Variants in MAML2 observed in about 807,000 individuals in gnomAD.
The protein encoded by MAML2 is mastermind-like protein 2.
MAML2 carries 22 observed loss-of-function variants against 96.1 expected under a neutral mutation model. The observed-to-expected ratio is 0.23, with a 90% CI of 0.16 to 0.33. The LOEUF (loss-of-function observed/expected upper bound fraction) is 0.33, where lower values mean the gene tolerates loss of function less well. MAML2 is among the 10% of genes least tolerant of loss of function. The probability of loss-of-function intolerance (pLI) is 1.00; values close to 1 mark genes in which losing one functional copy is unlikely to be tolerated. For missense variants in MAML2, 1,367 were observed against 1,392.4 expected, an observed-to-expected ratio of 0.98 and a Z score of 0.29; for synonymous variants, 561 against 521.3, an observed-to-expected ratio of 1.08 and a Z score of -1.04.
intron 1 of MAML2, among the ~76,000 whole-genome samples, chr11:96,144,294 T>C (rs1860780268): frequency 6.6e-6 from 1 of 152,226 alleles, no homozygotes; most frequent in South Asian, 2.1e-4. Context: ...GAAGAATTTT[T>C]ATAATGTAGT....
chr11:96,245,098 C>T (rs992755445), intron 1 of MAML2, among the ~76,000 whole-genome samples: 1 of 151,954 alleles, frequency 6.6e-6, no homozygotes, highest in East Asian at 1.9e-4. Flanking sequence ...CTCTGACATA[C>T]AAAATATAAT....
intron 1 of MAML2, among the ~76,000 whole-genome samples, chr11:96,114,528 G>A (rs1254316139): frequency 1.3e-5 from 2 of 152,174 alleles, no homozygotes; most frequent in Admixed American, 6.5e-5. Context: ...TGTAGCTTGT[G>A]ATCTCACATA....
intron 1 of MAML2, among the ~76,000 whole-genome samples, chr11:96,113,850 T>C (rs1860177998): frequency 6.6e-6 from 1 of 152,120 alleles, no homozygotes; most frequent in African/African-American, 2.4e-5. Flanking sequence ...GGCGGTTGTA[T>C]AAGTTTAAGT....
chr11:96,065,870 G>C (rs1007113556), intron 2 of MAML2, among the ~76,000 whole-genome samples: 4 of 152,300 alleles, frequency 2.6e-5, no homozygotes, highest in Middle Eastern at 3.4e-3. Flanking sequence ...TGGCAGAGCT[G>C]GTGCTGCTGG....
rs1031969178 is a variant in MAML2, at chr11:96,034,194, C to T, written c.2140-42471G>A. Among the ~76,000 whole-genome samples the T allele has an allele frequency of 3.7e-4, 57 of 152,250 alleles. 1 individual carries two copies. The highest frequency in any genetic ancestry group is 1.3e-4 in the Non-Finnish European group (9 of 68,018). On this transcript the variant is annotated intron_variant, in intron 2 of 4. Transcript: ENST00000524717. The stretch of plus-strand genomic sequence containing the variant: ...TGGTTAAATAGTTCAACATCTAAAA[C>T]ATTGTAGTACTTTAGGTGGCCTGAG...
At chr11:96,165,601 G>A (rs1221260246) in intron 1 of MAML2, among the ~76,000 whole-genome samples, 3 of 151,950 alleles carry the variant, frequency 2.0e-5, no homozygotes, top group Non-Finnish European at 4.4e-5. Context: ...AATCCAATTC[G>A]TTGTTTCTTG....
At chr11:96,191,220 C>T (rs1861647650) in intron 1 of MAML2, among the ~76,000 whole-genome samples, 1 of 152,272 alleles carries the variant, frequency 6.6e-6, no homozygotes. Flanking sequence ...AATCCCAGCA[C>T]TTTGGGAGGC....
At chr11:96,146,179 C>T (rs1053580086) in intron 1 of MAML2, among the ~76,000 whole-genome samples, 2 of 152,136 alleles carry the variant, frequency 1.3e-5, no homozygotes, top group African/African-American at 4.8e-5. Context: ...TACATAAGAG[C>T]ACCCTCAGGA....
intron 1 of MAML2, among the ~76,000 whole-genome samples, chr11:96,306,835 T>C (rs1863470481): frequency 6.6e-6 from 1 of 152,198 alleles, no homozygotes; most frequent in Admixed American, 6.5e-5. Flanking sequence ...GCAGAAACAT[T>C]TTTGTTTTGC....
At chr11:96,020,604 G>A (rs911491088) in intron 2 of MAML2, among the ~76,000 whole-genome samples, 1 of 152,196 alleles carries the variant, frequency 6.6e-6, no homozygotes, top group Admixed American at 6.5e-5. Flanking sequence ...TGATGCAGTG[G>A]ATCCGCAGGC....
chr11:96,064,389 T>C lies in MAML2; in HGVS notation c.2139+27503A>G, dbSNP rs573337977. Reference sequence around the variant, plus strand: ...TCATTAGACAAGAGGACTTCTAATGTTCCCTCAGATTCTCTAAGAAGGAAC... The same window carrying C: ...TCATTAGACAAGAGGACTTCTAATGCTCCCTCAGATTCTCTAAGAAGGAAC... On this transcript the variant is annotated intron_variant, in intron 2 of 4. Transcript: ENST00000524717. Among the ~76,000 whole-genome samples the C allele has an allele frequency of 2.6e-5, 4 of 152,350 alleles. No homozygotes were observed. The South Asian group carries it at 8.3e-4, about 32-fold the overall frequency.
At chr11:96,064,002 T>G (rs1590989543) in intron 2 of MAML2, among the ~76,000 whole-genome samples, 1 of 152,174 alleles carries the variant, frequency 6.6e-6, no homozygotes, top group Non-Finnish European at 1.5e-5. Context: ...CCAGGACATC[T>G]TTTACCTAAG....
intron 1 of MAML2, among the ~76,000 whole-genome samples, chr11:96,317,641 G>A (rs1863649510): frequency 6.6e-6 from 1 of 152,188 alleles, no homozygotes; most frequent in Admixed American, 6.5e-5. Context: ...AATGACAAGA[G>A]GAACTGAAAA....
At chr11:96,248,199 A>G (rs1862536188) in intron 1 of MAML2, among the ~76,000 whole-genome samples, 1 of 144,208 alleles carries the variant, frequency 6.9e-6, no homozygotes, top group Non-Finnish European at 1.5e-5. Context: ...TGCAGCCTCC[A>G]TCTCCTAGGT....
intron 1 of MAML2, among the ~76,000 whole-genome samples, chr11:96,340,336 T>C (rs542000306): frequency 3.0e-4 from 45 of 152,286 alleles, no homozygotes; most frequent in African/African-American, 9.4e-4. Context: ...GGAGCAGACA[T>C]AGAATCCAGA....
At chr11:96,255,328 G>C (rs1482315181) in intron 1 of MAML2, among the ~76,000 whole-genome samples, 1 of 152,214 alleles carries the variant, frequency 6.6e-6, no homozygotes, top group Non-Finnish European at 1.5e-5. Flanking sequence ...ACTGAGCATA[G>C]AAACTATTTC....
chr11:96,111,595 T>C (rs188115810), intron 1 of MAML2, among the ~76,000 whole-genome samples: 15 of 152,340 alleles, frequency 9.8e-5, no homozygotes, highest in Admixed American at 6.5e-4. Context: ...CACATCTTTA[T>C]TGGTGGAACA....
chr11:96,005,635 T>C (rs1858167939), intron 2 of MAML2, among the ~76,000 whole-genome samples: 1 of 152,134 alleles, frequency 6.6e-6, no homozygotes, highest in South Asian at 2.1e-4. Flanking sequence ...TCTGATGACA[T>C]TGAAGTAAAT....
At chr11:96,022,228 T>C (rs188051783) in intron 2 of MAML2, among the ~76,000 whole-genome samples, 4 of 152,348 alleles carry the variant, frequency 2.6e-5, no homozygotes, top group Middle Eastern at 3.4e-3. Flanking sequence ...TATCTGGTGC[T>C]GTATTCTGTC....
Sources: gnomAD v4.1 joint callset for allele counts (sites outside exome capture counted in the v4.1 genomes callset) on GRCh38, gnomAD v4.1.1 for gene constraint, MANE v1.5 for transcripts, NCBI Gene and HGNC (gene_info 2026-07-23, HGNC 2026-07-21) for gene names.